CSMD3: variants seen among roughly 807,000 people sequenced by gnomAD.
The protein encoded by CSMD3 is CUB and sushi domain-containing protein 3.
In CSMD3, 177 loss-of-function variants were observed where a neutral mutation model predicts 435.2. That is an observed-to-expected ratio of 0.41 (90% confidence interval 0.36 to 0.46). CSMD3 has a LOEUF of 0.46. CSMD3 is among the 20% of genes least tolerant of loss of function. The pLI, the probability that CSMD3 is intolerant of heterozygous loss-of-function variation, is 0.34. For missense variants in CSMD3, 4,265 were observed against 4,504.6 expected (o/e 0.95, Z 1.52); for synonymous variants, 1,656 against 1,520.5 (o/e 1.09, Z -2.07).
At position 113,125,180 on chromosome 8, in the gene CSMD3, T is replaced by G. The variant is rs1490511842; in HGVS notation, c.710-26217A>C. Among the ~76,000 whole-genome samples, 3 of 151,940 alleles carry G rather than the reference T, an allele frequency of 2.0e-5. No homozygotes were observed. The East Asian group carries it at 5.8e-4, about 29-fold the overall frequency. On this transcript the variant is annotated intron_variant, in intron 4 of 70. Transcript: ENST00000297405. ...AGGAGTAAGCACATAACTTAGTCTT[T>G]GAACAAGGAATTTTTTTGAGAGTGA...
intron 6 of CSMD3, among the ~76,000 whole-genome samples, chr8:112,991,588 T>A (rs1371652367): frequency 5.9e-5 from 9 of 151,776 alleles, no homozygotes; most frequent in Non-Finnish European, 1.2e-4. Flanking sequence ...ATTCTAGAAT[T>A]TAATTAAAAT....
rs373868211 is a variant in CSMD3 at position 112,699,045 on chromosome 8, C to T, written c.1973-8995G>A. Among the ~76,000 whole-genome samples, 53 of 152,210 alleles carry T rather than the reference C, an allele frequency of 3.5e-4. No individual in the cohort carries two copies. In the East Asian group the frequency reaches 9.9e-3, roughly 28 times the overall value. ...ACCCATCAGCACTCTGTAAAATGGA[C>T]CAATCAGCAGGATGTGGGTGGGGCC... On this transcript the variant is annotated intron_variant, in intron 13 of 70. Transcript: ENST00000297405.
intron 32 of CSMD3, among the ~76,000 whole-genome samples, chr8:112,413,971 G>C (rs1013226909): frequency 2.9e-4 from 44 of 152,028 alleles, no homozygotes; most frequent in African/African-American, 9.9e-4. Flanking sequence ...GGTGATATCT[G>C]TTCACCCTGG....
chr8:112,467,845 A>G (rs1003610095), intron 32 of CSMD3, among the ~76,000 whole-genome samples: 1 of 152,182 alleles, frequency 6.6e-6, no homozygotes, highest in Non-Finnish European at 1.5e-5. Flanking sequence ...ACCAGAAACT[A>G]GGAAGAAGCA....
chr8:112,950,644 A>T (rs1587741889), intron 8 of CSMD3, among the ~76,000 whole-genome samples: 1 of 152,126 alleles, frequency 6.6e-6, no homozygotes, highest in Admixed American at 6.6e-5. Flanking sequence ...TCTTAGGAGT[A>T]GCTACTATTA....
At chr8:112,838,537 C>G (rs1299755168) in intron 11 of CSMD3, among the ~76,000 whole-genome samples, 1 of 151,572 alleles carries the variant, frequency 6.6e-6, no homozygotes, top group Non-Finnish European at 1.5e-5. Flanking sequence ...TTTCTTTGCT[C>G]TAAATTAAAA....
intron 11 of CSMD3, among the ~76,000 whole-genome samples, chr8:112,836,968 C>T (rs111462454): frequency 2.4e-4 from 36 of 151,894 alleles, no homozygotes; most frequent in African/African-American, 8.4e-4. Flanking sequence ...TGCTATTCTA[C>T]GTTAACAAAG....
At chr8:113,413,889 C>T (rs931601787) in intron 1 of CSMD3, among the ~76,000 whole-genome samples, 1 of 151,998 alleles carries the variant, frequency 6.6e-6, no homozygotes, top group Non-Finnish European at 1.5e-5. Context: ...TTCGAATGTC[C>T]TCAGAAGGTT....
intron 3 of CSMD3, among the ~76,000 whole-genome samples, chr8:113,189,302 G>C (rs2092552061): frequency 6.6e-6 from 1 of 151,686 alleles, no homozygotes; most frequent in Admixed American, 6.6e-5. Flanking sequence ...CTCTCTGTTT[G>C]ATTGCTTGCA....
At chr8:113,403,293 A>G (rs2094518362) in intron 1 of CSMD3, among the ~76,000 whole-genome samples, 2 of 151,406 alleles carry the variant, frequency 1.3e-5, no homozygotes, top group Non-Finnish European at 3.0e-5. Context: ...AGATAATATT[A>G]CTATAGCAAT....
chr8:112,767,018 A>G (rs1436471517), intron 13 of CSMD3, among the ~76,000 whole-genome samples: 1 of 151,906 alleles, frequency 6.6e-6, no homozygotes, highest in African/African-American at 2.4e-5. Context: ...ATCAGGGTTT[A>G]GCTTGTAGAA....
chr8:113,171,006 G>T (rs182426623), intron 4 of CSMD3, among the ~76,000 whole-genome samples: 139 of 134,940 alleles, frequency 1.0e-3, no homozygotes, highest in Non-Finnish European at 6.9e-4. Flanking sequence ...AATGGCAATA[G>T]AAAAAAAAAA....
At chr8:113,235,264 G>T (rs1321831723) in intron 3 of CSMD3, among the ~76,000 whole-genome samples, 6 of 152,028 alleles carry the variant, frequency 3.9e-5, no homozygotes, top group Non-Finnish European at 8.8e-5. Context: ...GACCACTAAT[G>T]TCCCTCCCTA....
chr8:113,399,080 T>TATAC (rs1393856569), intron 1 of CSMD3, among the ~76,000 whole-genome samples: 1 of 59,496 alleles, frequency 1.7e-5, no homozygotes, highest in Non-Finnish European at 2.9e-5. Flanking sequence ...GGATAGTTCA[T>TATAC]ATATATATAT....
At chr8:112,646,114 CA>C (rs2074972571) in intron 19 of CSMD3, among the ~76,000 whole-genome samples, 1 of 152,056 alleles carries the variant, frequency 6.6e-6, no homozygotes, top group African/African-American at 2.4e-5. Context: ...TTGTCTCTTC[CA>C]AAAATACCTA....
At position 113,227,029 on chromosome 8, in the gene CSMD3, G is replaced by A. The variant is rs182205257; in HGVS notation, c.514+51563C>T. ...GATTATTCTATTTTACATAGAAATG[G>A]AAATATAGTACAGATTGGGTTTTAA... On this transcript the variant is annotated intron_variant, in intron 3 of 70. Coordinates refer to ENST00000297405, the MANE Select transcript of CSMD3 (RefSeq NM_198123.2). Among the ~76,000 whole-genome samples, 75 of 151,662 alleles carry A rather than the reference G, an allele frequency of 4.9e-4. 1 individual carries two copies. The highest frequency in any genetic ancestry group is 1.2e-3 in the Admixed American group (18 of 15,160).
intron 19 of CSMD3, among the ~76,000 whole-genome samples, chr8:112,648,963 G>C (rs564655309): frequency 6.6e-6 from 1 of 152,220 alleles, no homozygotes; most frequent in Non-Finnish European, 1.5e-5. Flanking sequence ...TACCTTCCCT[G>C]GGATTTTTCT....
chr8:113,280,050 T>G (rs1461642674), intron 2 of CSMD3, among the ~76,000 whole-genome samples: 4 of 151,748 alleles, frequency 2.6e-5, no homozygotes, highest in Non-Finnish European at 5.9e-5. Context: ...TTTTGGTATG[T>G]TTTTGGATTC....
intron 44 of CSMD3, among the ~76,000 whole-genome samples, chr8:112,336,434 TG>T (rs1386767636): frequency 6.6e-6 from 1 of 152,188 alleles, no homozygotes; most frequent in East Asian, 1.9e-4. Flanking sequence ...ATGAAGTCTT[TG>T]TTCCACAATG....
Sources: gnomAD v4.1 joint callset for allele counts (sites outside exome capture counted in the v4.1 genomes callset) on GRCh38, gnomAD v4.1.1 for gene constraint, MANE v1.5 for transcripts, NCBI Gene and HGNC (gene_info 2026-07-23, HGNC 2026-07-21) for gene names.